CNNM4: variants seen among roughly 807,000 people sequenced by gnomAD.
The protein encoded by CNNM4 is metal transporter CNNM4.
CNNM4 carries 32 observed loss-of-function variants against 53.7 expected under a neutral mutation model. The observed-to-expected ratio is 0.60, with a 90% CI of 0.45 to 0.80. CNNM4 has a LOEUF of 0.80. Ranked by LOEUF, CNNM4 falls within the 30% of genes least tolerant of loss-of-function variation. The probability of loss-of-function intolerance (pLI) is 0.00; values close to 1 mark genes in which losing one functional copy is unlikely to be tolerated. For synonymous variants in CNNM4, 410 were observed against 440.0 expected (o/e 0.93, Z 0.85); for missense variants, 784 against 1,022.0 (o/e 0.77, Z 3.17).
chr2:96,798,601 G>A (rs1189932241), intron 3 of CNNM4, among the ~76,000 whole-genome samples: 1 of 152,132 alleles, frequency 6.6e-6, no homozygotes, highest in Non-Finnish European at 1.5e-5. Context: ...ACTTGCTAAA[G>A]GGGTGGCAAT....
chr2:96,804,595 G>A (rs2079186162), intron 5 of CNNM4, among the ~76,000 whole-genome samples: 1 of 152,014 alleles, frequency 6.6e-6, no homozygotes, highest in Admixed American at 6.5e-5. Context: ...TAGAGACGGA[G>A]TTTCACCATG....
intron 5 of CNNM4, 75 bp downstream of exon 5, chr2:96,799,723 T>C: frequency 3.3e-6 from 4 of 1,228,640 alleles, no homozygotes; most frequent in Non-Finnish European, 1.2e-6. Flanking sequence ...ACACCAGAAC[T>C]GAGCATGGGC....
rs1251925959 is a variant in CNNM4 at position 96,788,633 on chromosome 2, C to T, written c.1403-8379C>T. On this transcript the variant is annotated intron_variant, in intron 1 of 6. Coordinates refer to ENST00000377075, the MANE Select transcript of CNNM4 (RefSeq NM_020184.4). Reference sequence around the variant, plus strand: ...GTGAAGGGAGGAAAGAGCAGAGAATCGCCAAGAAATCAGGGTGCTCAGCTA... The same window carrying T: ...GTGAAGGGAGGAAAGAGCAGAGAATTGCCAAGAAATCAGGGTGCTCAGCTA... The T allele has an allele frequency of 4.6e-5, 7 of 152,620 alleles. No individual in the cohort carries two copies. In the East Asian group the frequency reaches 7.7e-4, roughly 17 times the overall value. The allele number at this position is 152,620 out of a possible 1,614,324, so 9.5% of individuals were successfully genotyped here.
intron 5 of CNNM4, among the ~76,000 whole-genome samples, chr2:96,802,500 C>T (rs1429294014): frequency 3.3e-5 from 5 of 152,244 alleles, no homozygotes; most frequent in South Asian, 2.1e-4. Context: ...TAGGCAACTG[C>T]GAGGCCATGA....
chr2:96,764,830 AC>A (rs1340858500), intron 1 of CNNM4, among the ~76,000 whole-genome samples: 10 of 151,980 alleles, frequency 6.6e-5, no homozygotes, highest in Non-Finnish European at 2.9e-5. Context: ...TACTAAAAAT[AC>A]AAAAAATTAT....
intron 5 of CNNM4, among the ~76,000 whole-genome samples, chr2:96,807,420 C>T (rs1056826480): frequency 6.6e-5 from 10 of 151,682 alleles, no homozygotes; most frequent in African/African-American, 1.7e-4. Flanking sequence ...GTCATAAGAT[C>T]GAGACCATCC....
intron 1 of CNNM4, among the ~76,000 whole-genome samples, chr2:96,780,414 T>G (rs2078963987): frequency 6.7e-6 from 1 of 148,998 alleles, no homozygotes; most frequent in African/African-American, 2.5e-5. Flanking sequence ...GCCCACTTGC[T>G]CTCCCTTTTT....
chr2:96,767,534 A>C (rs2078829915), intron 1 of CNNM4, among the ~76,000 whole-genome samples: 1 of 152,188 alleles, frequency 6.6e-6, no homozygotes, highest in South Asian at 2.1e-4. Context: ...CCCCCCTTGC[A>C]GCCCACCTTC....
At chr2:96,787,288 A>G (rs2079024203) in intron 1 of CNNM4, among the ~76,000 whole-genome samples, 2 of 152,362 alleles carry the variant, frequency 1.3e-5, no homozygotes, top group South Asian at 4.1e-4. Context: ...TTCTCCTGCC[A>G]ACACTGAGAG....
At chr2:96,790,645 C>T (rs566190261) in intron 1 of CNNM4, among the ~76,000 whole-genome samples, 8 of 151,230 alleles carry the variant, frequency 5.3e-5, no homozygotes, top group Non-Finnish European at 7.4e-5. Flanking sequence ...TGAGCCACCG[C>T]GCCCGGCCTA....
intron 1 of CNNM4, among the ~76,000 whole-genome samples, chr2:96,779,709 C>T (rs921339952): frequency 1.3e-5 from 2 of 151,904 alleles, no homozygotes; most frequent in African/African-American, 2.4e-5. Flanking sequence ...TAATGTTAAG[C>T]CTTTTGTTCT....
chr2:96,792,221 G>A (rs2153348364), intron 1 of CNNM4, among the ~76,000 whole-genome samples: 1 of 149,580 alleles, frequency 6.7e-6, no homozygotes, highest in East Asian at 2.0e-4. Flanking sequence ...ACTCCAGCCT[G>A]GGTGACAGAG....
chr2:96,769,176 G>A (rs1482103759), intron 1 of CNNM4, among the ~76,000 whole-genome samples: 4 of 152,056 alleles, frequency 2.6e-5, no homozygotes, highest in African/African-American at 9.6e-5. Context: ...GTGTGAACCC[G>A]GGAGGTGGAG....
rs1279562757 is a variant in CNNM4, at chr2:96,801,342, G to C, written c.1948+1694G>C. Among the ~76,000 whole-genome samples, 2 of 152,118 alleles carry C rather than the reference G, an allele frequency of 1.3e-5. No individual in the cohort carries two copies. Among genetic ancestry groups the C allele is most frequent in the African/African-American group, 4.8e-5 (2 of 41,408 alleles). On this transcript the variant is annotated intron_variant, in intron 5 of 6. Transcript: ENST00000377075. The surrounding 1 kb of genome is among the most constrained non-coding windows in gnomAD (Gnocchi z 5.6). ...GGCCCCCAAAGATCTCTTGGTGCTTGAGATCACACACTCATAGACACATAC... is the reference window on the plus strand; with the variant it reads ...GGCCCCCAAAGATCTCTTGGTGCTTCAGATCACACACTCATAGACACATAC...
In CNNM4 at chr2:96,801,404, A is replaced by G. The variant is rs547023956; in HGVS notation, c.1948+1756A>G. Among the ~76,000 whole-genome samples, 1 of 152,128 alleles carries G rather than the reference A, an allele frequency of 6.6e-6. No homozygotes were observed. The highest frequency in any genetic ancestry group is 2.1e-4 in the South Asian group (1 of 4,814). On this transcript the variant is annotated intron_variant, in intron 5 of 6. Coordinates refer to ENST00000377075, the MANE Select transcript of CNNM4 (RefSeq NM_020184.4). The surrounding 1 kb of genome is among the most constrained non-coding windows in gnomAD (Gnocchi z 5.6). ...CACAGAGAGATACACATACAGATAC[A>G]CATAGCCATAGATACACGCAGAGAC...
intron 1 of CNNM4, among the ~76,000 whole-genome samples, chr2:96,785,448 G>A (rs1448586607): frequency 1.3e-5 from 2 of 151,382 alleles, no homozygotes; most frequent in Non-Finnish European, 2.9e-5. Flanking sequence ...ACCAACCTGG[G>A]CAACATGGCG....
At chr2:96,775,665 G>A (rs904592610) in intron 1 of CNNM4, among the ~76,000 whole-genome samples, 1 of 152,200 alleles carries the variant, frequency 6.6e-6, no homozygotes, top group Non-Finnish European at 1.5e-5. Flanking sequence ...TGTTAAGTAT[G>A]TGTATGTGTG....
At position 96,797,689 on chromosome 2, in the gene CNNM4, C is replaced by A; in HGVS notation, c.1681+42C>A. ...CTTCCGGTCTTGGTGGAAATACGGT[C>A]ACGGGGGAGAAGTCCTGGGTTTCCG... On this transcript the variant is annotated intron_variant, in intron 3 of 6. Transcript: ENST00000377075. The surrounding 1 kb of genome is among the most constrained non-coding windows in gnomAD (Gnocchi z 6.0). The A allele has an allele frequency of 1.2e-6, 2 of 1,610,720 alleles. No individual in the cohort carries two copies. The highest frequency in any genetic ancestry group is 2.2e-5 in the South Asian group (2 of 90,992).
At chr2:96,789,805 GC>G (rs1245230461) in intron 1 of CNNM4, among the ~76,000 whole-genome samples, 10 of 151,192 alleles carry the variant, frequency 6.6e-5, no homozygotes, top group African/African-American at 2.2e-4. Flanking sequence ...TGATTCTCCT[GC>G]CTCAGCCTCC....
Sources: gnomAD v4.1 joint callset for allele counts (sites outside exome capture counted in the v4.1 genomes callset) on GRCh38, gnomAD v4.1.1 for gene constraint, Gnocchi (gnomAD v3.1) non-coding constraint, MANE v1.5 for transcripts, NCBI Gene and HGNC (gene_info 2026-07-23, HGNC 2026-07-21) for gene names.